The following BCL2 variants were observed in gnomAD, a reference collection of about 807,000 sequenced individuals.
BCL2 encodes BCL2 apoptosis regulator.
A neutral mutation model predicts 14.2 loss-of-function variants in BCL2; 1 was observed. That is an observed-to-expected ratio of 0.07 (90% CI 0.02 to 0.33). The LOEUF is 0.33. BCL2 is among the 10% of genes least tolerant of loss of function. The probability of loss-of-function intolerance (pLI) is 0.99; values close to 1 mark genes in which losing one functional copy is unlikely to be tolerated. For synonymous variants in BCL2, 151 were observed against 137.2 expected (o/e 1.10, Z -0.70); for missense variants, 247 against 305.9 (o/e 0.81, Z 1.44).
intron 2 of BCL2, among the ~76,000 whole-genome samples, chr18:63,269,982 T>C (rs1911958185): frequency 6.6e-6 from 1 of 152,182 alleles, no homozygotes; most frequent in Non-Finnish European, 1.5e-5. Flanking sequence ...TGTATATATA[T>C]ACATCTAACT....
At chr18:63,231,013 C>T (rs1910674186) in intron 2 of BCL2, among the ~76,000 whole-genome samples, 1 of 151,788 alleles carries the variant, frequency 6.6e-6, no homozygotes, top group South Asian at 2.1e-4. Context: ...ATGTTTATCA[C>T]ACAATAAATA....
intron 2 of BCL2, among the ~76,000 whole-genome samples, chr18:63,300,515 G>A (rs1420597586): frequency 6.6e-6 from 1 of 151,650 alleles, no homozygotes; most frequent in Non-Finnish European, 1.5e-5. Flanking sequence ...ATATTGCTGG[G>A]ATTCCTCTCT....
intron 2 of BCL2, among the ~76,000 whole-genome samples, chr18:63,274,023 A>G (rs532775568): frequency 1.3e-5 from 2 of 152,284 alleles, no homozygotes; most frequent in African/African-American, 4.8e-5. Flanking sequence ...CCAAGAAGGG[A>G]CCCAGGGAGC....
At chr18:63,200,097 G>A (rs924118970) in intron 2 of BCL2, among the ~76,000 whole-genome samples, 2 of 152,092 alleles carry the variant, frequency 1.3e-5, no homozygotes, top group African/African-American at 4.8e-5. Context: ...ACTTGCCTTC[G>A]TTCTGCAGGA....
chr18:63,136,947 T>C (rs986231877), intron 2 of BCL2, among the ~76,000 whole-genome samples: 2 of 152,198 alleles, frequency 1.3e-5, no homozygotes, highest in African/African-American at 4.8e-5. Context: ...GCACTGCCAA[T>C]TTTACCACCT....
intron 2 of BCL2, among the ~76,000 whole-genome samples, chr18:63,276,647 C>A (rs1461916279): frequency 6.6e-6 from 1 of 152,228 alleles, no homozygotes; most frequent in Non-Finnish European, 1.5e-5. Flanking sequence ...AACACGTATT[C>A]ACCATTTCAG....
At chr18:63,200,621 T>G (rs1909664299) in intron 2 of BCL2, among the ~76,000 whole-genome samples, 2 of 152,054 alleles carry the variant, frequency 1.3e-5, no homozygotes, top group Admixed American at 6.6e-5. Flanking sequence ...AAATCAAGCT[T>G]TATTTTTTGT....
chr18:63,184,733 T>C (rs767599221), intron 2 of BCL2, among the ~76,000 whole-genome samples: 4 of 152,230 alleles, frequency 2.6e-5, no homozygotes, highest in Non-Finnish European at 5.9e-5. Context: ...CCCCCGACCA[T>C]GATGAATTCA....
At chr18:63,131,025 G>A (rs961867091) in intron 2 of BCL2, among the ~76,000 whole-genome samples, 5 of 152,092 alleles carry the variant, frequency 3.3e-5, no homozygotes, top group Non-Finnish European at 7.4e-5. Flanking sequence ...CATGATTTGG[G>A]GTGAGGGTGC....
chr18:63,144,182 C>G (rs1914447454), intron 2 of BCL2, among the ~76,000 whole-genome samples: 1 of 152,200 alleles, frequency 6.6e-6, no homozygotes, highest in Admixed American at 6.5e-5. Flanking sequence ...TTAGCTCTTT[C>G]TTTCCTCTAG....
At chr18:63,279,468 G>T (rs746159559) in intron 2 of BCL2, among the ~76,000 whole-genome samples, 3 of 152,232 alleles carry the variant, frequency 2.0e-5, no homozygotes, top group Non-Finnish European at 4.4e-5. Flanking sequence ...AACCCACAAT[G>T]TGATACTCCT....
chr18:63,314,418 C>A (rs920708461), intron 2 of BCL2: 6 of 152,214 alleles, frequency 3.9e-5, no homozygotes, highest in Admixed American at 3.9e-4. Context: ...AATGAAAAGG[C>A]AGCTGAACTC....
chr18:63,134,550 G>A (rs1463233567), intron 2 of BCL2, among the ~76,000 whole-genome samples: 4 of 152,186 alleles, frequency 2.6e-5, no homozygotes, highest in Admixed American at 2.6e-4. Flanking sequence ...ATATACTGGG[G>A]AAATTTAATA....
At chr18:63,220,297 T>A (rs1201330137) in intron 2 of BCL2, among the ~76,000 whole-genome samples, 1 of 152,298 alleles carries the variant, frequency 6.6e-6, no homozygotes, top group South Asian at 2.1e-4. Context: ...TTAGGGAAAG[T>A]CCCAATTTAT....
intron 2 of BCL2, among the ~76,000 whole-genome samples, chr18:63,191,928 C>A (rs186991758): frequency 2.0e-5 from 3 of 152,292 alleles, no homozygotes; most frequent in African/African-American, 7.2e-5. Context: ...TAAAAAATAA[C>A]CTACAAATAC....
intron 2 of BCL2, among the ~76,000 whole-genome samples, chr18:63,255,580 T>C (rs1406900606): frequency 2.0e-5 from 3 of 152,210 alleles, no homozygotes; most frequent in African/African-American, 4.8e-5. Flanking sequence ...GGATAAGAGA[T>C]GTGGTTTGAA....
chr18:63,238,319 C>G (rs1910897636), intron 2 of BCL2, among the ~76,000 whole-genome samples: 1 of 152,182 alleles, frequency 6.6e-6, no homozygotes. Context: ...GTTCATGCCA[C>G]CGAATGCTTT....
At chr18:63,302,693 A>C (rs1416260125) in intron 2 of BCL2, 1 of 984,636 alleles carries the variant, frequency 1.0e-6, no homozygotes, top group East Asian at 1.1e-4. Context: ...GAGATATATA[A>C]ATAAATGAGA....
intron 2 of BCL2, 199 bp downstream of exon 2, chr18:63,317,883 T>C: frequency 1.4e-6 from 2 of 1,422,910 alleles, no homozygotes; most frequent in East Asian, 2.6e-5. Flanking sequence ...TAAAGACTTT[T>C]AGATGGCAGG....
Sources: gnomAD v4.1 joint callset for allele counts (sites outside exome capture counted in the v4.1 genomes callset) on GRCh38, gnomAD v4.1.1 for gene constraint, MANE v1.5 for transcripts, NCBI Gene and HGNC (gene_info 2026-07-23, HGNC 2026-07-21) for gene names.